Variants in INTS9 observed in about 807,000 individuals in gnomAD.
INTS9 encodes the protein protein related to CPSF subunits of 74 kDa.
INTS9 carries 55 observed loss-of-function variants against 79.7 expected under a neutral mutation model. The observed-to-expected ratio is 0.69, with a 90% CI of 0.56 to 0.86. The LOEUF (loss-of-function observed/expected upper bound fraction) is 0.86. Among genes scored for constraint, INTS9 ranks in the 40% least tolerant of loss-of-function variants. The probability of loss-of-function intolerance (pLI) is 0.00; values close to 1 mark genes in which losing one functional copy is unlikely to be tolerated. For missense variants in INTS9, 721 were observed against 831.5 expected, an observed-to-expected ratio of 0.87 and a Z score of 1.64; for synonymous variants, 319 against 325.2, an observed-to-expected ratio of 0.98 and a Z score of 0.20.
At chr8:28,813,663 T>C in intron 6 of INTS9, 51 bp from the exon 7 acceptor site, 1 of 1,597,462 alleles carries the variant, frequency 6.3e-7, no homozygotes, top group Non-Finnish European at 8.5e-7. Context: ...CTTCATGTTC[T>C]ACAGCATTCC....
chr8:28,805,947 G>A (rs1023954348), intron 8 of INTS9, among the ~76,000 whole-genome samples: 2 of 152,084 alleles, frequency 1.3e-5, no homozygotes, highest in South Asian at 2.1e-4. Flanking sequence ...AAAAAATCCC[G>A]GCCAAGCACG....
chr8:28,816,096 C>A (rs1439842736), intron 6 of INTS9, among the ~76,000 whole-genome samples: 1 of 151,448 alleles, frequency 6.6e-6, no homozygotes, highest in Non-Finnish European at 1.5e-5. Context: ...AAAGAAAATG[C>A]ATGCCAAGGA....
intron 11 of INTS9, among the ~76,000 whole-genome samples, chr8:28,786,938 C>T (rs1211765693): frequency 1.3e-5 from 2 of 151,930 alleles, no homozygotes; most frequent in East Asian, 1.9e-4. Flanking sequence ...AGGATGGTCT[C>T]GATCTCCTGA....
At chr8:28,878,214 A>G (rs1809496799) in intron 1 of INTS9, among the ~76,000 whole-genome samples, 1 of 152,248 alleles carries the variant, frequency 6.6e-6, no homozygotes, top group African/African-American at 2.4e-5. Flanking sequence ...TACATGTACA[A>G]AAATCCACAG....
At chr8:28,777,795 A>G (rs1212168525) in intron 13 of INTS9, 34 bp downstream of exon 13, 1 of 1,568,980 alleles carries the variant, frequency 6.4e-7, no homozygotes, top group Admixed American at 1.9e-5. Context: ...AGGTGACATG[A>G]CTACGTGAAG....
chr8:28,791,934 A>G (rs1803941328), intron 10 of INTS9, among the ~76,000 whole-genome samples: 3 of 152,338 alleles, frequency 2.0e-5, no homozygotes, highest in Admixed American at 6.5e-5. Flanking sequence ...TGTGGACTCA[A>G]AAAGATATTC....
chr8:28,785,147 G>C (rs763442120), intron 11 of INTS9, among the ~76,000 whole-genome samples: 6 of 152,196 alleles, frequency 3.9e-5, no homozygotes, highest in Non-Finnish European at 7.3e-5. Flanking sequence ...TAAGAGCCAC[G>C]CAATGTCAGT....
At chr8:28,872,373 C>T (rs910989167) in intron 1 of INTS9, among the ~76,000 whole-genome samples, 9 of 152,138 alleles carry the variant, frequency 5.9e-5, no homozygotes, top group Middle Eastern at 3.2e-3. Context: ...AAATGAACTA[C>T]ATAAATGTTC....
At chr8:28,846,925 AG>A (rs1807552561) in intron 3 of INTS9, 116 bp from the exon 4 acceptor site, 1 of 789,020 alleles carries the variant, frequency 1.3e-6, no homozygotes, top group East Asian at 2.5e-5. Flanking sequence ...CTAGAGCTGG[AG>A]GGAAGCTGGG....
At chr8:28,837,843 A>C (rs1486366049) in intron 4 of INTS9, 67 bp from the exon 5 acceptor site, 5 of 1,475,542 alleles carry the variant, frequency 3.4e-6, no homozygotes, top group Non-Finnish European at 4.6e-6. Context: ...TGACTAAAAA[A>C]CGACGTTGTC....
chr8:28,773,245 C>T (rs2130854723), intron 14 of INTS9, among the ~76,000 whole-genome samples: 1 of 152,244 alleles, frequency 6.6e-6, no homozygotes, highest in East Asian at 1.9e-4. Context: ...GGGTGGATCA[C>T]AAGGTCAGGA....
At chr8:28,778,040 C>T in intron 12 of INTS9, 87 bp from the exon 13 acceptor site, 1 of 1,411,322 alleles carries the variant, frequency 7.1e-7, no homozygotes, top group Non-Finnish European at 9.5e-7. Context: ...TGAGGGCCCA[C>T]AGACAGTCAG....
chr8:28,885,454 G>A (rs1318415824), intron 1 of INTS9, among the ~76,000 whole-genome samples: 3 of 152,144 alleles, frequency 2.0e-5, no homozygotes, highest in Non-Finnish European at 4.4e-5. Context: ...CCATGTCACA[G>A]GGGTCAAATG....
chr8:28,794,982 C>G (rs1804119038), intron 9 of INTS9, among the ~76,000 whole-genome samples: 1 of 152,108 alleles, frequency 6.6e-6, no homozygotes, highest in Non-Finnish European at 1.5e-5. Context: ...GAGATTAGTC[C>G]AATTATTTTT....
chr8:28,777,892 G>A lies in INTS9; in HGVS notation c.1332C>T (p.Ile444=). The A allele has an allele frequency of 6.2e-7, 1 of 1,612,890 alleles. No individual in the cohort carries two copies. Among genetic ancestry groups the A allele is most frequent in the South Asian group, 1.1e-5 (1 of 90,880 alleles). The change falls in exon 13 of 17, where the codon ATC becomes ATT. Residue 444 remains isoleucine, a synonymous_variant. Coordinates refer to ENST00000521022, the MANE Select transcript of INTS9 (RefSeq NM_018250.4). The stretch of plus-strand genomic sequence containing the variant: ...TCAGCCGGGTGTCGATGGGGCAGTA[G>A]ATGCATTTCATGGCCAGCGGCTGGT... ...APYQPLAMKC[I]YCPIDTRLNF...
At chr8:28,806,312 GAAAA>G (rs1423566534) in intron 8 of INTS9, among the ~76,000 whole-genome samples, 1 of 151,956 alleles carries the variant, frequency 6.6e-6, no homozygotes, top group Non-Finnish European at 1.5e-5. Flanking sequence ...TTTTTATAGA[GAAAA>G]AAAGAAAGCA....
At chr8:28,787,544 T>C (rs1193971316) in intron 11 of INTS9, among the ~76,000 whole-genome samples, 1 of 152,184 alleles carries the variant, frequency 6.6e-6, no homozygotes, top group African/African-American at 2.4e-5. Context: ...ACTTTCAAAT[T>C]TGGGATGCTC....
intron 8 of INTS9, among the ~76,000 whole-genome samples, chr8:28,811,644 C>T (rs1805153218): frequency 6.6e-6 from 1 of 152,054 alleles, no homozygotes; most frequent in African/African-American, 2.4e-5. Flanking sequence ...CGGTCCTGAA[C>T]TCCTAGGCTC....
At chr8:28,780,623 C>T (rs968758434) in intron 12 of INTS9, 200 bp downstream of exon 12, 19 of 985,336 alleles carry the variant, frequency 1.9e-5, no homozygotes, top group African/African-American at 5.2e-5. Flanking sequence ...ATGAAGGCCT[C>T]GCTGGATGCC....
Sources: gnomAD v4.1 joint callset for allele counts (sites outside exome capture counted in the v4.1 genomes callset) on GRCh38, gnomAD v4.1.1 for gene constraint, MANE v1.5 for transcripts, NCBI Gene and HGNC (gene_info 2026-07-23, HGNC 2026-07-21) for gene names.